The following SPINK4 variants were observed in gnomAD, a reference collection of about 807,000 sequenced individuals.
SPINK4 encodes the protein serine protease inhibitor Kazal-type 4.
A neutral mutation model predicts 12.3 loss-of-function variants in SPINK4; 10 were observed. The ratio of observed to expected loss-of-function variants is 0.81; its 90% CI spans 0.50 to 1.37. The LOEUF (loss-of-function observed/expected upper bound fraction) is 1.37, where lower values mean the gene tolerates loss of function less well. Among genes scored for constraint, SPINK4 ranks in the 40% most tolerant of loss-of-function variants. SPINK4 has a pLI of 0.00. For missense variants in SPINK4, 91 were observed against 109.0 expected, an observed-to-expected ratio of 0.84 and a Z score of 0.73; for synonymous variants, 37 against 40.2, an observed-to-expected ratio of 0.92 and a Z score of 0.30.
At chr9:33,241,502 G>C (rs1396254456) in intron 1 of SPINK4, among the ~76,000 whole-genome samples, 2 of 152,092 alleles carry the variant, frequency 1.3e-5, no homozygotes, top group African/African-American at 2.4e-5. Context: ...TGACCTCATG[G>C]CCAGTCCCAC....
chr9:33,242,816 C>T (rs1003449687), intron 1 of SPINK4, among the ~76,000 whole-genome samples: 1 of 151,530 alleles, frequency 6.6e-6, no homozygotes, highest in South Asian at 2.1e-4. Flanking sequence ...AGAACATTTC[C>T]ATAGCCCCAG....
At chr9:33,248,343 T>C in intron 3 of SPINK4, 83 bp from the exon 4 acceptor site, 1 of 1,464,486 alleles carries the variant, frequency 6.8e-7, no homozygotes, top group Non-Finnish European at 9.5e-7. Context: ...CAGCAGGATG[T>C]CTGGATGGAC....
intron 1 of SPINK4, among the ~76,000 whole-genome samples, chr9:33,244,247 G>A (rs548509486): frequency 6.7e-4 from 102 of 152,324 alleles, no homozygotes; most frequent in African/African-American, 2.3e-3. Context: ...GTACACCAGT[G>A]TATGTAGAAA....
At chr9:33,241,563 G>C (rs1627061) in intron 1 of SPINK4, among the ~76,000 whole-genome samples, 4 of 152,234 alleles carry the variant, frequency 2.6e-5, no homozygotes, top group Non-Finnish European at 5.9e-5. Flanking sequence ...AAAGGGAAAC[G>C]GGTCTGGGGA....
At chr9:33,245,185 T>A in intron 2 of SPINK4, 33 bp downstream of exon 2, 1 of 1,608,612 alleles carries the variant, frequency 6.2e-7, no homozygotes, top group Non-Finnish European at 8.5e-7. Context: ...TCACCTTCTC[T>A]CTGCTGAGAG....
intron 3 of SPINK4, chr9:33,248,029 G>C (rs370473976): frequency 5.5e-4 from 104 of 189,278 alleles, no homozygotes; most frequent in African/African-American, 2.3e-3. Flanking sequence ...GGTGGCCAGT[G>C]GTTTCATGGG....
intron 3 of SPINK4, among the ~76,000 whole-genome samples, chr9:33,247,145 C>T (rs912351850): frequency 8.1e-5 from 12 of 148,410 alleles, no homozygotes; most frequent in Admixed American, 1.4e-4. Flanking sequence ...GATAGTCAGC[C>T]AATTGCAGCA....
Position 33,246,600 on chromosome 9 carries a change from C to G in SPINK4, c.103-16C>G. ...CTCTGAATCCCTGAGTCCTCTCCCTCCCTTCTCTTCCACAGCCCATCTGTG... is the reference window on the plus strand; with the variant it reads ...CTCTGAATCCCTGAGTCCTCTCCCTGCCTTCTCTTCCACAGCCCATCTGTG... On this transcript the variant is annotated splice_polypyrimidine_tract_variant and intron_variant, in intron 2 of 3. Coordinates refer to ENST00000379721, the MANE Select transcript of SPINK4 (RefSeq NM_014471.3). The G allele has an allele frequency of 1.2e-6, 2 of 1,607,926 alleles. No homozygotes were observed. Among genetic ancestry groups the G allele is most frequent in the Non-Finnish European group, 1.7e-6 (2 of 1,174,656 alleles).
intron 1 of SPINK4, among the ~76,000 whole-genome samples, chr9:33,242,415 G>C (rs1327075005): frequency 6.7e-6 from 1 of 149,656 alleles, no homozygotes; most frequent in Non-Finnish European, 1.5e-5. Flanking sequence ...GGCGGGAGGA[G>C]AACGGAGACG....
intron 3 of SPINK4, 101 bp from the exon 4 acceptor site, chr9:33,248,325 G>A: frequency 8.1e-7 from 1 of 1,233,504 alleles, no homozygotes; most frequent in Non-Finnish European, 1.2e-6. Context: ...GCATATGTGG[G>A]CGACGCTCAG....
intron 3 of SPINK4, among the ~76,000 whole-genome samples, chr9:33,247,014 G>C (rs930674206): frequency 2.0e-5 from 3 of 152,012 alleles, no homozygotes; most frequent in African/African-American, 7.2e-5. Context: ...CATTCGTCTA[G>C]CCAGCAATTA....
chr9:33,248,433 A>G lies in SPINK4; in HGVS notation c.223A>G (p.Lys75Glu), dbSNP rs1201262825. The G allele has an allele frequency of 2.5e-6, 4 of 1,614,024 alleles. No individual in the cohort carries two copies. The African/African-American group carries it at 5.3e-5, about 22-fold the overall frequency. Residue 75 changes from lysine (K) to glutamate (E), a missense_variant, in exon 4 of 4, where the codon AAA becomes GAA. Physicochemically the swap from Lys to Glu is moderately conservative, Grantham distance 56. Transcript: ENST00000379721. ...CQLCLARIKT[K>E]QDIQIMKDGK... is the part of the protein sequence containing the mutation. ...TGTCTTCTTTGATCCTAGAAAAACCAAACAGGACATCCAGATCATGAAAGA... is the reference window on the plus strand; with the variant it reads ...TGTCTTCTTTGATCCTAGAAAAACCGAACAGGACATCCAGATCATGAAAGA...
chr9:33,248,238 G>A (rs1820305407), intron 3 of SPINK4, 188 bp from the exon 4 acceptor site: 1 of 598,536 alleles, frequency 1.7e-6, no homozygotes, highest in Non-Finnish European at 2.9e-6. Context: ...TCCCCCAGGG[G>A]AAGGGTGTAC....
At chr9:33,243,857 G>A (rs1275285718) in intron 1 of SPINK4, among the ~76,000 whole-genome samples, 1 of 152,074 alleles carries the variant, frequency 6.6e-6, no homozygotes. Flanking sequence ...GCATCTCCAG[G>A]AAAATATAAA....
At chr9:33,248,372 G>T (rs1465709237) in intron 3 of SPINK4, 54 bp from the exon 4 acceptor site, 1 of 1,599,752 alleles carries the variant, frequency 6.3e-7, no homozygotes, top group Non-Finnish European at 8.6e-7. Context: ...GTCCCTGAAT[G>T]GTACACTACA....
At chr9:33,245,077 C>A in intron 1 of SPINK4, 35 bp from the exon 2 acceptor site, 1 of 1,609,508 alleles carries the variant, frequency 6.2e-7, no homozygotes. Context: ...GGTCTAGAGC[C>A]GGCATAATCT....
intron 1 of SPINK4, among the ~76,000 whole-genome samples, chr9:33,242,408 GGGA>G (rs1554693696): frequency 5.3e-5 from 8 of 151,684 alleles, no homozygotes; most frequent in Non-Finnish European, 5.9e-5. Context: ...ATGATTCGGC[GGGA>G]GGAGAACGGA....
intron 1 of SPINK4, among the ~76,000 whole-genome samples, chr9:33,242,474 C>A (rs1010780456): frequency 2.0e-5 from 3 of 152,064 alleles, no homozygotes; most frequent in Non-Finnish European, 1.5e-5. Flanking sequence ...AGGGCCCAAT[C>A]TAGGACCCGT....
intron 3 of SPINK4, among the ~76,000 whole-genome samples, chr9:33,247,519 T>C (rs181649836): frequency 3.6e-4 from 54 of 152,104 alleles, no homozygotes; most frequent in Middle Eastern, 3.4e-3. Context: ...TAAGTAGAAA[T>C]TAGCTAGGAA....
Sources: gnomAD v4.1 joint callset for allele counts (sites outside exome capture counted in the v4.1 genomes callset) on GRCh38, gnomAD v4.1.1 for gene constraint, MANE v1.5 for transcripts, NCBI Gene and HGNC (gene_info 2026-07-23, HGNC 2026-07-21) for gene names.